The following PRPF39 variants were observed in gnomAD, a reference collection of about 807,000 sequenced individuals.
PRPF39 encodes pre-mRNA-processing factor 39.
A neutral mutation model predicts 82.1 loss-of-function variants in PRPF39; 27 were observed. The observed-to-expected ratio is 0.33, with a 90% CI of 0.24 to 0.45. PRPF39 has a LOEUF of 0.45. Ranked by LOEUF, PRPF39 falls within the 20% of genes least tolerant of loss-of-function variation. PRPF39 has a pLI of 1.00. For missense variants in PRPF39, 581 were observed against 796.9 expected (o/e 0.73, Z 3.26); for synonymous variants, 261 against 256.4 (o/e 1.02, Z -0.17).
At position 45,114,978 on chromosome 14, in the gene PRPF39, G is replaced by A; in HGVS notation, c.*65G>A. On this transcript the variant is annotated 3_prime_UTR_variant, in exon 14 of 14. Coordinates refer to ENST00000355765, the MANE Select transcript of PRPF39 (RefSeq NM_017922.4). ...ATGAAATTATTATTTTTTTTAATGA[G>A]GGATGTAAACAGTATAAGCTTGTTG... 7.7e-7 allele frequency: 1 copy of A among 1,305,490 alleles called. No individual in the cohort carries two copies. The highest frequency in any genetic ancestry group is 1.1e-6 in the Non-Finnish European group (1 of 905,302). 80.9% of individuals were successfully genotyped at this position (1,305,490 alleles called of 1,614,324 possible).
chr14:45,101,576 A>G (rs1312086873), intron 4 of PRPF39, among the ~76,000 whole-genome samples: 1 of 151,682 alleles, frequency 6.6e-6, no homozygotes, highest in Non-Finnish European at 1.5e-5. Context: ...AGTGATTCTC[A>G]TGCCTCAGAC....
intron 7 of PRPF39, 139 bp downstream of exon 7, chr14:45,108,661 T>A: frequency 8.4e-7 from 1 of 1,194,978 alleles, no homozygotes; most frequent in Non-Finnish European, 1.1e-6. Context: ...TTGTCTCATT[T>A]ATTGTAATCA....
chr14:45,096,388 G>T, intron 3 of PRPF39, 160 bp downstream of exon 3: 1 of 1,519,158 alleles, frequency 6.6e-7, no homozygotes, highest in Non-Finnish European at 8.9e-7. Flanking sequence ...CACTCTTGTG[G>T]CATTTGTAGC....
chr14:45,108,409 C>A lies in PRPF39; in HGVS notation c.904-6C>A. ...AGATTTATTTTTTTCCCTTTTTCTT[C>A]CCAAGCTAATTACAGAAATAGAAAA... On this transcript the variant is annotated splice_region_variant and splice_polypyrimidine_tract_variant and intron_variant, in intron 6 of 13. Coordinates refer to ENST00000355765, the MANE Select transcript of PRPF39 (RefSeq NM_017922.4). 6.4e-7 allele frequency: 1 copy of A among 1,561,624 alleles called. No individual in the cohort carries two copies. Among genetic ancestry groups the A allele is most frequent in the Non-Finnish European group, 8.6e-7 (1 of 1,162,234 alleles).
At chr14:45,093,066 T>C (rs1884088641) in intron 1 of PRPF39, among the ~76,000 whole-genome samples, 1 of 152,196 alleles carries the variant, frequency 6.6e-6, no homozygotes, top group South Asian at 2.1e-4. Context: ...CAGCTGCCAG[T>C]TTTGTATTTT....
chr14:45,109,194 A>G (rs1204420564), intron 7 of PRPF39, among the ~76,000 whole-genome samples: 2 of 152,176 alleles, frequency 1.3e-5, no homozygotes, highest in African/African-American at 4.8e-5. Context: ...TCACAGATAT[A>G]TGTATATACA....
intron 1 of PRPF39, chr14:45,088,342 CAGA>C (rs956006757): frequency 6.2e-6 from 1 of 160,968 alleles, no homozygotes; most frequent in African/African-American, 2.4e-5. Flanking sequence ...AAACTTTGCC[CAGA>C]AGATTAGGCT....
Position 45,096,138 on chromosome 14 carries a change from A to AT in PRPF39, c.365dup (p.Ile123HisfsTer17). 6.3e-7 allele frequency: 1 copy of AT among 1,582,736 alleles called. No homozygotes were observed. Among genetic ancestry groups the AT allele is most frequent in the Non-Finnish European group, 8.6e-7 (1 of 1,163,184 alleles). ...TGGCTGCCAGGAAGGCATTTGACAGATTTTTCATACACTATCCGTATTGCT... is the reference window on the plus strand; with the variant it reads ...TGGCTGCCAGGAAGGCATTTGACAGATTTTTTCATACACTATCCGTATTGCT... On this transcript the variant is annotated frameshift_variant, in exon 3 of 14. Coordinates refer to ENST00000355765, the MANE Select transcript of PRPF39 (RefSeq NM_017922.4). LOFTEE classifies it high-confidence loss of function.
intron 8 of PRPF39, 54 bp downstream of exon 8, chr14:45,109,834 G>T: frequency 6.5e-7 from 1 of 1,531,862 alleles, no homozygotes; most frequent in South Asian, 1.3e-5. Context: ...TTGATCTAGT[G>T]ACTAACCTTT....
chr14:45,109,564 T>G, intron 7 of PRPF39, 52 bp from the exon 8 acceptor site: 1 of 1,471,792 alleles, frequency 6.8e-7, no homozygotes, highest in Non-Finnish European at 9.2e-7. Flanking sequence ...TACATGTGCA[T>G]ATTTTGGTGA....
chr14:45,116,137 TTTC>T lies in PRPF39; in HGVS notation c.*1228_*1230del, dbSNP rs1292395261. On this transcript the variant is annotated 3_prime_UTR_variant, in exon 14 of 14. Coordinates refer to ENST00000355765, the MANE Select transcript of PRPF39 (RefSeq NM_017922.4). ...AACAAGTTCTAACTAGTTGTGTAAA[TTTC>T]TTCAAGGCCAAGTTTTATCATTGTT... The T allele has an allele frequency of 1.6e-6, 2 of 1,251,146 alleles. No individual in the cohort carries two copies. Among genetic ancestry groups the T allele is most frequent in the Non-Finnish European group, 2.3e-6 (2 of 857,074 alleles). 77.5% of individuals were successfully genotyped at this position (1,251,146 alleles called of 1,614,324 possible).
chr14:45,096,648 G>A, intron 3 of PRPF39: 1 of 1,494,948 alleles, frequency 6.7e-7, no homozygotes, highest in Non-Finnish European at 8.9e-7. Context: ...GTAACCCAAA[G>A]CCTGCCCACA....
chr14:45,112,900 A>AGAG (rs1372625581), intron 11 of PRPF39, among the ~76,000 whole-genome samples: 1 of 152,224 alleles, frequency 6.6e-6, no homozygotes, highest in Non-Finnish European at 1.5e-5. Flanking sequence ...AGATTGGAGA[A>AGAG]GAGGATGGAT....
At chr14:45,092,355 C>T (rs565871945) in intron 1 of PRPF39, among the ~76,000 whole-genome samples, 27 of 152,126 alleles carry the variant, frequency 1.8e-4, no homozygotes, top group Admixed American at 3.9e-4. Flanking sequence ...ATAATCCCAG[C>T]GCTTTGGGAG....
At chr14:45,090,828 C>T (rs149962472) in intron 1 of PRPF39, among the ~76,000 whole-genome samples, 1 of 152,144 alleles carries the variant, frequency 6.6e-6, no homozygotes, top group Non-Finnish European at 1.5e-5. Flanking sequence ...TATGTCACTA[C>T]GAGGAATGTA....
chr14:45,106,985 T>G (rs761588348), intron 5 of PRPF39, among the ~76,000 whole-genome samples: 7 of 152,166 alleles, frequency 4.6e-5, no homozygotes, highest in Non-Finnish European at 1.0e-4. Flanking sequence ...AATGCTATAT[T>G]TGTTGGTTAT....
rs776099998 is a variant in PRPF39, at chr14:45,111,804, A to G, written c.1573-514A>G. 3.4e-4 allele frequency among the ~76,000 whole-genome samples: 51 copies of G among 151,194 alleles called. 1 individual carries two copies. Among genetic ancestry groups the G allele is most frequent in the Admixed American group, 2.1e-3 (32 of 15,200 alleles). On this transcript the variant is annotated intron_variant, in intron 10 of 13. Coordinates refer to ENST00000355765, the MANE Select transcript of PRPF39 (RefSeq NM_017922.4). ...AAGGTGTGCACCACCACGCCAGTTA[A>G]TTTTTGTATTTTTAGTAGAGATGGG...
intron 1 of PRPF39, among the ~76,000 whole-genome samples, chr14:45,089,250 C>G (rs1883942081): frequency 6.6e-6 from 1 of 151,630 alleles, no homozygotes; most frequent in African/African-American, 2.4e-5. Flanking sequence ...TAGGTCTTTA[C>G]TTCATTTTAA....
chr14:45,113,570 T>G (rs1566700330), intron 11 of PRPF39, among the ~76,000 whole-genome samples: 1 of 152,206 alleles, frequency 6.6e-6, no homozygotes, highest in Non-Finnish European at 1.5e-5. Flanking sequence ...AGATGAGATA[T>G]GTAATTCTAG....
Sources: gnomAD v4.1 joint callset for allele counts (sites outside exome capture counted in the v4.1 genomes callset) on GRCh38, gnomAD v4.1.1 for gene constraint, MANE v1.5 for transcripts, NCBI Gene and HGNC (gene_info 2026-07-23, HGNC 2026-07-21) for gene names.